The following PPIL6 variants were observed in gnomAD, a reference collection of about 807,000 sequenced individuals.
PPIL6 encodes peptidylprolyl isomerase like 6.
In PPIL6, 39 loss-of-function variants were observed where a neutral mutation model predicts 36.8. The observed-to-expected ratio is 1.06, with a 90% CI of 0.82 to 1.38. PPIL6 has a LOEUF of 1.38. Ranked by LOEUF, PPIL6 falls within the 40% of genes most tolerant of loss-of-function variation. The pLI, the probability that PPIL6 is intolerant of heterozygous loss-of-function variation, is 0.00. For missense variants in PPIL6, 368 were observed against 379.1 expected (o/e 0.97, Z 0.24); for synonymous variants, 123 against 134.1 (o/e 0.92, Z 0.57).
chr6:109,392,709 C>T lies in PPIL6; in HGVS notation c.*117G>A. 1 of 632,344 alleles carries T rather than the reference C, an allele frequency of 1.6e-6. No homozygotes were observed. The highest frequency in any genetic ancestry group is 2.1e-5 in the South Asian group (1 of 48,048). The allele number at this position is 632,344 out of a possible 1,614,324, so 39.2% of individuals were successfully genotyped here. A position where few individuals can be genotyped will look rare whatever the true frequency, so the allele number is the denominator to read the frequency against. Reference sequence around the variant, plus strand: ...AGGGATTGGGTGTAGATGAGGCAACCTACAGTGTCTGCCACGGCTTTCAAA... The same window carrying T: ...AGGGATTGGGTGTAGATGAGGCAACTTACAGTGTCTGCCACGGCTTTCAAA... On this transcript the variant is annotated 3_prime_UTR_variant, in exon 8 of 8. Transcript: ENST00000521072.
Position 109,426,851 on chromosome 6 carries a change from T to C in PPIL6, c.627A>G (p.Gly209=), listed in dbSNP as rs779075721. The change falls in exon 5 of 8, where the codon GGA becomes GGG. Residue 209 remains glycine (G), a synonymous_variant. Coordinates refer to ENST00000521072, the MANE Select transcript of PPIL6 (RefSeq NM_173672.5). ...HRIVQNGWIQ[G]GDIVYGKGDN... is the part of the protein sequence containing the mutation. ...TATTTAAGATTTTAAACTTACCCCC[T>C]CCTTGTATCCAGCCATTCTGTACTA... 1 of 1,521,580 alleles carries C rather than the reference T, an allele frequency of 6.6e-7. No homozygotes were observed. The highest frequency in any genetic ancestry group is 1.3e-5 in the South Asian group (1 of 76,138). 94.3% of individuals were successfully genotyped at this position (1,521,580 alleles called of 1,614,324 possible).
rs558329009 is a variant in PPIL6, at chr6:109,427,079, A to G, written c.483+15T>C. On this transcript the variant is annotated intron_variant, in intron 4 of 7. Coordinates refer to ENST00000521072, the MANE Select transcript of PPIL6 (RefSeq NM_173672.5). Reference sequence around the variant, plus strand: ...ATCCTACCCCCACAAACTTACATATAAAAAAAAGTATCACCTCAAAAATCA... The same window carrying G: ...ATCCTACCCCCACAAACTTACATATGAAAAAAAGTATCACCTCAAAAATCA... 2 of 1,570,932 alleles carry G rather than the reference A, an allele frequency of 1.3e-6. No homozygotes were observed. The highest frequency in any genetic ancestry group is 2.3e-5 in the East Asian group (1 of 44,400).
intron 1 of PPIL6, chr6:109,440,105 A>G (rs905855961): frequency 3.6e-5 from 12 of 334,820 alleles, no homozygotes; most frequent in African/African-American, 6.9e-5. Flanking sequence ...ATAAATTTAA[A>G]TATCTCTAAT....
chr6:109,416,271 C>T (rs377637020), intron 6 of PPIL6, among the ~76,000 whole-genome samples: 73 of 143,760 alleles, frequency 5.1e-4, no homozygotes, highest in African/African-American at 1.8e-3. Flanking sequence ...GGCGTGATCT[C>T]GGCTCACTGC....
intron 7 of PPIL6, among the ~76,000 whole-genome samples, chr6:109,399,240 C>T (rs982606393): frequency 2.0e-5 from 3 of 151,350 alleles, no homozygotes; most frequent in Non-Finnish European, 4.4e-5. Context: ...CCCGAGTAGC[C>T]GGGACTACAG....
chr6:109,415,198 CTT>C (rs912010779), intron 6 of PPIL6, among the ~76,000 whole-genome samples: 9 of 152,308 alleles, frequency 5.9e-5, no homozygotes, highest in African/African-American at 2.2e-4. Flanking sequence ...ATTTGTTTGA[CTT>C]TTTGCTTTTT....
chr6:109,403,578 A>G (rs1203882373), intron 6 of PPIL6, among the ~76,000 whole-genome samples: 2 of 152,154 alleles, frequency 1.3e-5, no homozygotes, highest in Non-Finnish European at 2.9e-5. Flanking sequence ...TCTGCCAGGG[A>G]TAAAGTATGT....
In PPIL6 at chr6:109,431,056, T is replaced by C. The variant is rs1021390843; in HGVS notation, c.420+101A>G. 167 of 867,556 alleles carry C rather than the reference T, an allele frequency of 1.9e-4. 1 individual carries two copies. The African/African-American group carries it at 2.6e-3, about 14-fold the overall frequency. The allele number at this position is 867,556 out of a possible 1,614,324, so 53.7% of individuals were successfully genotyped here. On this transcript the variant is annotated intron_variant, in intron 3 of 7. Coordinates refer to ENST00000521072, the MANE Select transcript of PPIL6 (RefSeq NM_173672.5). ...CTAGGCTTTAAACTTAGTCTCCTAC[T>C]TTTTTATAATCTCCTTCATTAGGAC...
At chr6:109,415,661 CT>C (rs1355088321) in intron 6 of PPIL6, among the ~76,000 whole-genome samples, 2 of 152,174 alleles carry the variant, frequency 1.3e-5, no homozygotes, top group East Asian at 3.9e-4. Flanking sequence ...GCTTTCATGG[CT>C]TTTTCTATAA....
intron 1 of PPIL6, 170 bp downstream of exon 1, chr6:109,440,286 T>A (rs1412907449): frequency 1.2e-6 from 1 of 826,492 alleles, no homozygotes; most frequent in Admixed American, 2.1e-5. Flanking sequence ...CCCTATACTC[T>A]CCTCCCGGTC....
At chr6:109,400,889 T>G (rs1009524588) in intron 6 of PPIL6, among the ~76,000 whole-genome samples, 18 of 152,276 alleles carry the variant, frequency 1.2e-4, no homozygotes, top group African/African-American at 4.3e-4. Flanking sequence ...AGAGGGAGTC[T>G]CGCTCTGTCG....
intron 2 of PPIL6, among the ~76,000 whole-genome samples, chr6:109,433,952 G>A (rs575669707): frequency 6.6e-6 from 1 of 152,254 alleles, no homozygotes; most frequent in Non-Finnish European, 1.5e-5. Flanking sequence ...TAGGCTGAAA[G>A]GGGAGGGAAA....
chr6:109,432,421 T>C (rs1367020594), intron 2 of PPIL6, among the ~76,000 whole-genome samples: 1 of 152,040 alleles, frequency 6.6e-6, no homozygotes, highest in Non-Finnish European at 1.5e-5. Flanking sequence ...GGACTTCCCC[T>C]CTGAGGAGAT....
At chr6:109,435,931 A>G (rs1467814622) in intron 2 of PPIL6, among the ~76,000 whole-genome samples, 173 bp downstream of exon 2, 1 of 152,088 alleles carries the variant, frequency 6.6e-6, no homozygotes, top group Non-Finnish European at 1.5e-5. Flanking sequence ...TCTCAAAAAC[A>G]AAACACCTAG....
chr6:109,440,684 C>G, upstream of PPIL6: 1 of 990,168 alleles, frequency 1.0e-6, no homozygotes, highest in African/African-American at 1.7e-5. Flanking sequence ...AGGCGGGGCC[C>G]AGGGGCGGGT....
chr6:109,430,270 T>C (rs1774060233), intron 3 of PPIL6, among the ~76,000 whole-genome samples: 1 of 152,078 alleles, frequency 6.6e-6, no homozygotes, highest in Non-Finnish European at 1.5e-5. Context: ...TACAAGAAGG[T>C]TTCTGAGCAG....
At chr6:109,426,407 C>A (rs956112016) in intron 5 of PPIL6, among the ~76,000 whole-genome samples, 2 of 152,192 alleles carry the variant, frequency 1.3e-5, no homozygotes, top group African/African-American at 4.8e-5. Flanking sequence ...AAACCAAAAT[C>A]CTTTAGACAT....
intron 6 of PPIL6, among the ~76,000 whole-genome samples, chr6:109,401,810 C>T (rs988407763): frequency 1.0e-4 from 11 of 105,644 alleles, no homozygotes; most frequent in South Asian, 3.1e-4. Context: ...CTGCAAGCTG[C>T]GCCTCGGGTT....
rs545706710 is a variant in PPIL6 at position 109,420,877 on chromosome 6, A to G, written c.632-1634T>C. 2.6e-5 allele frequency among the ~76,000 whole-genome samples: 4 copies of G among 152,364 alleles called. No individual in the cohort carries two copies. In the South Asian group the frequency reaches 8.3e-4, roughly 32 times the overall value. On this transcript the variant is annotated intron_variant, in intron 5 of 7. Transcript: ENST00000521072. ...GCAGCATTTAAATTATACTACTCAG[A>G]AAGCTGGCTCAGAAGTTAATTGACA... is the stretch of plus-strand genomic sequence containing the variant.
Sources: allele counts gnomAD v4.1 joint callset (sites outside exome capture counted in the v4.1 genomes callset), GRCh38; gene constraint gnomAD v4.1.1; transcripts MANE v1.5; gene names NCBI Gene and HGNC (gene_info 2026-07-23, HGNC 2026-07-21).